TLL2: variants seen among roughly 807,000 people sequenced by gnomAD.
TLL2 encodes tolloid-like protein 2.
Under a neutral mutation model 123.0 loss-of-function variants are expected in TLL2, and 106 were observed. That is an observed-to-expected ratio of 0.86 (90% CI 0.74 to 1.01). TLL2 has a LOEUF of 1.01. Ranked by LOEUF, TLL2 falls within the 50% of genes least tolerant of loss-of-function variation. TLL2 has a pLI of 0.00. For missense variants in TLL2, 1,332 were observed against 1,336.7 expected, an observed-to-expected ratio of 1.00 and a Z score of 0.06; for synonymous variants, 494 against 516.8, an observed-to-expected ratio of 0.96 and a Z score of 0.60.
intron 13 of TLL2, among the ~76,000 whole-genome samples, chr10:96,391,721 A>C (rs1049507980): frequency 6.6e-6 from 1 of 152,234 alleles, no homozygotes; most frequent in Non-Finnish European, 1.5e-5. Flanking sequence ...TCCCTGATTT[A>C]ATAGGTCTAG....
At chr10:96,424,770 GTTTTGT>G (rs1466434155) in intron 5 of TLL2, among the ~76,000 whole-genome samples, 1 of 68,354 alleles carries the variant, frequency 1.5e-5, no homozygotes, top group Non-Finnish European at 3.6e-5. Flanking sequence ...TTTATGTATT[GTTTTGT>G]TTTTTTTGCA....
Position 96,422,640 on chromosome 10 carries a change from G to A in TLL2, c.726C>T (p.His242=), listed in dbSNP as rs771805906. Residue 242 remains histidine, a synonymous_variant, in exon 6 of 21, where the codon CAC becomes CAT. Transcript: ENST00000357947. ...AAAACCCAACCACATGGCCCAGCTC[G>A]TGAGCCACAATGCCAAACTTGTCAC... ...KNCDKFGIVA[H]ELGHVVGFWH... The A allele has an allele frequency of 6.8e-6, 11 of 1,614,060 alleles. No homozygotes were observed. The highest frequency in any genetic ancestry group is 1.6e-4 in the Middle Eastern group (1 of 6,082).
intron 1 of TLL2, among the ~76,000 whole-genome samples, chr10:96,481,770 G>A (rs1008257012): frequency 1.7e-4 from 26 of 152,244 alleles, no homozygotes; most frequent in South Asian, 1.0e-3. Context: ...AAACAGGCTC[G>A]AAAATGACAA....
intron 18 of TLL2, 111 bp downstream of exon 18, chr10:96,376,581 T>C (rs1400192449): frequency 8.5e-7 from 1 of 1,182,660 alleles, no homozygotes; most frequent in Non-Finnish European, 1.2e-6. Flanking sequence ...GACCTGGAAA[T>C]GTTGAGTAAC....
At chr10:96,372,676 G>A (rs879837463) in intron 19 of TLL2, among the ~76,000 whole-genome samples, 1 of 152,156 alleles carries the variant, frequency 6.6e-6, no homozygotes, top group Non-Finnish European at 1.5e-5. Flanking sequence ...AGGGATAAAA[G>A]GGCTGTTTTC....
At chr10:96,371,321 A>G (rs1034296351) in intron 19 of TLL2, among the ~76,000 whole-genome samples, 2 of 94,414 alleles carry the variant, frequency 2.1e-5, no homozygotes, top group Non-Finnish European at 4.9e-5. Context: ...ACTCCGTATC[A>G]AAAAAAAAAA....
At chr10:96,379,114 T>C (rs190072353) in intron 16 of TLL2, 22 bp from the exon 17 acceptor site, 1 of 1,595,782 alleles carries the variant, frequency 6.3e-7, no homozygotes, top group South Asian at 1.1e-5. Context: ...AATGAACTCT[T>C]CTAAGAGGAA....
At chr10:96,510,873 C>A (rs749032495) in intron 1 of TLL2, among the ~76,000 whole-genome samples, 4 of 152,190 alleles carry the variant, frequency 2.6e-5, no homozygotes, top group Non-Finnish European at 4.4e-5. Flanking sequence ...CAGGGCAAGA[C>A]GGTTGATGAG....
intron 7 of TLL2, 30 bp downstream of exon 7, chr10:96,420,926 C>T (rs1458924953): frequency 1.2e-6 from 2 of 1,604,688 alleles, no homozygotes; most frequent in African/African-American, 1.3e-5. Context: ...CACAGTAAAA[C>T]ACAGACGAGG....
chr10:96,477,032 C>CTTTTTTT (rs10615764), intron 2 of TLL2, among the ~76,000 whole-genome samples: 25 of 110,804 alleles, frequency 2.3e-4, no homozygotes, highest in South Asian at 6.5e-4. Context: ...AGCTACTGGA[C>CTTTTTTT]TTTTTTTTTT....
At chr10:96,387,211 A>C in intron 13 of TLL2, 133 bp from the exon 14 acceptor site, 1 of 1,289,524 alleles carries the variant, frequency 7.8e-7, no homozygotes, top group East Asian at 2.4e-5. Flanking sequence ...CCACCTCCCA[A>C]AGAGTGCCAT....
At chr10:96,394,955 C>T (rs1846323204) in intron 13 of TLL2, among the ~76,000 whole-genome samples, 1 of 152,192 alleles carries the variant, frequency 6.6e-6, no homozygotes, top group African/African-American at 2.4e-5. Context: ...CTTATTAGAT[C>T]TAATTTCCAA....
chr10:96,403,954 G>A (rs1372757241), intron 10 of TLL2, among the ~76,000 whole-genome samples: 1 of 145,586 alleles, frequency 6.9e-6, no homozygotes, highest in Non-Finnish European at 1.5e-5. Flanking sequence ...TGCACATCCA[G>A]GCATAGTACC....
chr10:96,477,719 C>G (rs575027213), intron 2 of TLL2, among the ~76,000 whole-genome samples: 12 of 152,350 alleles, frequency 7.9e-5, no homozygotes, highest in African/African-American at 2.4e-4. Flanking sequence ...GATGAAGAAA[C>G]TGAGGCCCAG....
At chr10:96,500,790 A>G (rs1420925162) in intron 1 of TLL2, among the ~76,000 whole-genome samples, 5 of 63,526 alleles carry the variant, frequency 7.9e-5, no homozygotes, top group Admixed American at 4.0e-4. Context: ...GGAAGGAAGG[A>G]AGGGAGGGAG....
At chr10:96,402,692 G>A (rs570551663) in intron 10 of TLL2, among the ~76,000 whole-genome samples, 1 of 152,246 alleles carries the variant, frequency 6.6e-6, no homozygotes, top group South Asian at 2.1e-4. Context: ...CACTTTCTTC[G>A]CTTGTCTACC....
intron 2 of TLL2, among the ~76,000 whole-genome samples, chr10:96,448,441 G>A (rs764629139): frequency 2.2e-4 from 21 of 94,418 alleles, no homozygotes; most frequent in Non-Finnish European, 3.3e-4. Context: ...TGGGGAACTC[G>A]GGTGTTAGTA....
At chr10:96,406,919 C>T (rs182166001) in intron 9 of TLL2, among the ~76,000 whole-genome samples, 10 of 152,148 alleles carry the variant, frequency 6.6e-5, no homozygotes, top group African/African-American at 1.2e-4. Context: ...TTAAGATATC[C>T]GCATCCCTCC....
At chr10:96,502,493 A>G (rs1847544648) in intron 1 of TLL2, among the ~76,000 whole-genome samples, 1 of 152,128 alleles carries the variant, frequency 6.6e-6, no homozygotes, top group Non-Finnish European at 1.5e-5. Context: ...TCAATTTGGA[A>G]ACAGAATTGA....
Sources: allele counts gnomAD v4.1 joint callset (sites outside exome capture counted in the v4.1 genomes callset), GRCh38; gene constraint gnomAD v4.1.1; transcripts MANE v1.5; gene names NCBI Gene and HGNC (gene_info 2026-07-23, HGNC 2026-07-21).